The following HIKESHI variants were observed in gnomAD, a reference collection of about 807,000 sequenced individuals.
HIKESHI encodes protein Hikeshi.
A neutral mutation model predicts 25.7 loss-of-function variants in HIKESHI; 13 were observed. The observed-to-expected ratio is 0.51, with a 90% confidence interval of 0.33 to 0.80. The LOEUF is 0.80. Ranked by LOEUF, HIKESHI falls within the 30% of genes least tolerant of loss-of-function variation. The pLI, the probability that HIKESHI is intolerant of heterozygous loss-of-function variation, is 0.02. For synonymous variants in HIKESHI, 76 were observed against 78.7 expected, an observed-to-expected ratio of 0.97 and a Z score of 0.18; for missense variants, 174 against 229.5, an observed-to-expected ratio of 0.76 and a Z score of 1.56.
intron 2 of HIKESHI, among the ~76,000 whole-genome samples, chr11:86,317,345 G>C (rs1235114840): frequency 6.6e-6 from 1 of 151,736 alleles, no homozygotes; most frequent in Non-Finnish European, 1.5e-5. Context: ...AAAAAAATGT[G>C]AGGTTGAAGT....
chr11:86,345,607 T>G lies in HIKESHI; in HGVS notation c.563T>G (p.Leu188Arg), dbSNP rs754086423. 1 of 1,553,732 alleles carries G rather than the reference T, an allele frequency of 6.4e-7. No individual in the cohort carries two copies. The highest frequency in any genetic ancestry group is 8.8e-7 in the Non-Finnish European group (1 of 1,138,558). ...AGGTATGAAAACTTTCAAAGACGAC[T>G]AGCACAGAACCCTCTCTTTTGGAAA... ...LKWYENFQRR[L>R]AQNPLFWKT The change falls in exon 5 of 5, where the codon CTA becomes CGA. Residue 188 changes from leucine to arginine, a missense_variant. Physicochemically the swap from Leu to Arg is moderately radical, Grantham distance 102. Coordinates refer to ENST00000278483, the MANE Select transcript of HIKESHI (RefSeq NM_016401.4).
intron 2 of HIKESHI, among the ~76,000 whole-genome samples, chr11:86,312,837 G>A (rs1258432997): frequency 2.0e-5 from 3 of 152,184 alleles, no homozygotes; most frequent in African/African-American, 7.2e-5. Flanking sequence ...GGCTGGATAT[G>A]AAATTCTGGG....
At chr11:86,343,528 G>C (rs1022813215) in intron 3 of HIKESHI, 13 of 152,248 alleles carry the variant, frequency 8.5e-5, no homozygotes, top group African/African-American at 2.7e-4. Flanking sequence ...TCAGCTACTT[G>C]GGAGGCTGAG....
chr11:86,322,794 C>A (rs1947183501), intron 2 of HIKESHI, among the ~76,000 whole-genome samples: 1 of 151,720 alleles, frequency 6.6e-6, no homozygotes, highest in African/African-American at 2.4e-5. Flanking sequence ...AGGAATCTGT[C>A]AAAAAAATTT....
chr11:86,333,336 G>A (rs1490400721), intron 2 of HIKESHI, among the ~76,000 whole-genome samples: 1 of 152,096 alleles, frequency 6.6e-6, no homozygotes, highest in Non-Finnish European at 1.5e-5. Context: ...AAGAGTTCCA[G>A]ATTGGCCTGG....
At chr11:86,314,794 G>A (rs577786527) in intron 2 of HIKESHI, among the ~76,000 whole-genome samples, 1 of 152,268 alleles carries the variant, frequency 6.6e-6, no homozygotes, top group South Asian at 2.1e-4. Context: ...CTACGGCTAT[G>A]GTTCTTAAAG....
intron 3 of HIKESHI, 148 bp from the exon 4 acceptor site, chr11:86,344,455 A>G: frequency 2.0e-6 from 1 of 501,616 alleles, no homozygotes; most frequent in Non-Finnish European, 3.5e-6. Flanking sequence ...GGCATGAGCC[A>G]CCGCACCCAG....
At chr11:86,331,131 T>C (rs763775664) in intron 2 of HIKESHI, among the ~76,000 whole-genome samples, 43 of 152,310 alleles carry the variant, frequency 2.8e-4, no homozygotes, top group Non-Finnish European at 5.1e-4. Context: ...CAGTTGGTAC[T>C]TAATAAATGG....
intron 3 of HIKESHI, among the ~76,000 whole-genome samples, chr11:86,338,617 A>G (rs1209946111): frequency 6.6e-6 from 1 of 152,230 alleles, no homozygotes; most frequent in Non-Finnish European, 1.5e-5. Flanking sequence ...GGGAAACCAT[A>G]TGTGTTTGCC....
At chr11:86,320,503 G>A (rs1460782211) in intron 2 of HIKESHI, among the ~76,000 whole-genome samples, 1 of 152,234 alleles carries the variant, frequency 6.6e-6, no homozygotes, top group Non-Finnish European at 1.5e-5. Context: ...TTGAACCTGG[G>A]AGGTGGAGGT....
At chr11:86,304,814 C>T (rs1565716942) in intron 1 of HIKESHI, among the ~76,000 whole-genome samples, 1 of 152,092 alleles carries the variant, frequency 6.6e-6, no homozygotes, top group African/African-American at 2.4e-5. Context: ...CTGTGCCAGG[C>T]CTACAACTCA....
At chr11:86,326,292 C>T (rs968719256) in intron 2 of HIKESHI, among the ~76,000 whole-genome samples, 5 of 151,694 alleles carry the variant, frequency 3.3e-5, no homozygotes, top group African/African-American at 7.3e-5. Flanking sequence ...AGGGAGACTC[C>T]GTCTCAAAAT....
chr11:86,326,360 T>G (rs918712171), intron 2 of HIKESHI, among the ~76,000 whole-genome samples: 1 of 152,082 alleles, frequency 6.6e-6, no homozygotes, highest in Admixed American at 6.5e-5. Flanking sequence ...TACTATAATA[T>G]GTGTGGCTAT....
intron 2 of HIKESHI, among the ~76,000 whole-genome samples, chr11:86,336,578 C>T (rs1947567054): frequency 6.6e-6 from 1 of 152,136 alleles, no homozygotes; most frequent in Non-Finnish European, 1.5e-5. Context: ...TCTTGGACTT[C>T]CCAACCTCCA....
intron 2 of HIKESHI, among the ~76,000 whole-genome samples, chr11:86,334,707 CAG>C (rs1389405502): frequency 1.3e-5 from 2 of 152,190 alleles, no homozygotes; most frequent in African/African-American, 4.8e-5. Flanking sequence ...ACAACACTGT[CAG>C]AAGATCACAG....
chr11:86,331,982 CT>C lies in HIKESHI; in HGVS notation c.269-5381del, dbSNP rs796831448. On this transcript the variant is annotated intron_variant, in intron 2 of 4. Transcript: ENST00000278483. ...CCTTTTGCCATAACTGTTTTCTTTT[CT>C]TTTTTTTTTTTTTTTGCGACGGAGT... is the stretch of plus-strand genomic sequence containing the variant. Among the ~76,000 whole-genome samples, 109 of 129,514 alleles carry C rather than the reference CT, an allele frequency of 8.4e-4. 5 individuals carry two copies. Among genetic ancestry groups the C allele is most frequent in the Middle Eastern group, 4.0e-3 (1 of 248 alleles). 85.0% of individuals were successfully genotyped at this position (129,514 alleles called of 152,430 possible).
At position 86,344,634 on chromosome 11, in the gene HIKESHI, A is replaced by G. The variant is rs150225885; in HGVS notation, c.452A>G (p.Asn151Ser). 24 of 1,606,930 alleles carry G rather than the reference A, an allele frequency of 1.5e-5. No homozygotes were observed. The highest frequency in any genetic ancestry group is 3.4e-5 in the Admixed American group (2 of 59,438). Residue 151 changes from asparagine to serine, a missense_variant, in exon 4 of 5, where the codon AAT (asparagine) becomes AGT (serine). Transcript: ENST00000278483. ...FTQKMLDNFYNFASSFAVSQA... is the reference protein window; with the variant it reads ...FTQKMLDNFYSFASSFAVSQA... ...CAAAAGATGTTGGACAATTTCTACA[A>G]TTTTGCTTCATCATTTGCTGTCTCT... is the stretch of plus-strand genomic sequence containing the variant.
chr11:86,337,344 A>C, intron 2 of HIKESHI, 35 bp from the exon 3 acceptor site: 1 of 1,588,566 alleles, frequency 6.3e-7, no homozygotes, highest in Non-Finnish European at 8.6e-7. Context: ...TACAAGTTTA[A>C]TTTGAAATGT....
chr11:86,335,468 G>C (rs1048649733), intron 2 of HIKESHI, among the ~76,000 whole-genome samples: 1 of 152,126 alleles, frequency 6.6e-6, no homozygotes, highest in African/African-American at 2.4e-5. Context: ...CCAGAGCTTT[G>C]TGCATGCTCA....
Sources: gnomAD v4.1 joint callset for allele counts (sites outside exome capture counted in the v4.1 genomes callset) on GRCh38, gnomAD v4.1.1 for gene constraint, MANE v1.5 for transcripts, NCBI Gene and HGNC (gene_info 2026-07-23, HGNC 2026-07-21) for gene names.